The following FRMD5 variants were observed in gnomAD, a reference collection of about 807,000 sequenced individuals.
FRMD5 encodes the protein FERM domain-containing protein 5.
FRMD5 carries 20 observed loss-of-function variants against 69.0 expected under a neutral mutation model. The observed-to-expected ratio is 0.29, with a 90% CI of 0.20 to 0.42. FRMD5 has a LOEUF of 0.42. Ranked by LOEUF, FRMD5 falls within the 10% of genes least tolerant of loss-of-function variation. The probability of loss-of-function intolerance (pLI) is 1.00; values close to 1 mark genes in which losing one functional copy is unlikely to be tolerated. For missense variants in FRMD5, 595 were observed against 708.6 expected (o/e 0.84, Z 1.82); for synonymous variants, 271 against 260.1 (o/e 1.04, Z -0.40).
At chr15:44,127,858 TGA>T (rs897131762) in intron 1 of FRMD5, among the ~76,000 whole-genome samples, 3 of 151,570 alleles carry the variant, frequency 2.0e-5, no homozygotes, top group African/African-American at 7.3e-5. Flanking sequence ...GGCAATAAAA[TGA>T]GAGTCTGTCT....
At chr15:43,912,890 G>T (rs1006129937) in intron 4 of FRMD5, among the ~76,000 whole-genome samples, 1 of 151,382 alleles carries the variant, frequency 6.6e-6, no homozygotes, top group African/African-American at 2.4e-5. Flanking sequence ...AATTAGCCAG[G>T]CATGGTGGTG....
rs540291019 is a variant in FRMD5 at position 43,928,792 on chromosome 15, C to T, written c.103-4483G>A. 2.6e-5 allele frequency among the ~76,000 whole-genome samples: 4 copies of T among 152,248 alleles called. 1 individual carries two copies. The highest frequency in any genetic ancestry group is 4.8e-5 in the African/African-American group (2 of 41,556). ...TTGAATGTTGTGCCATTGATTATAC[C>T]GGAGAAACAGGCACTTGCGCTGACA... On this transcript the variant is annotated intron_variant, in intron 1 of 13. Transcript: ENST00000417257.
At chr15:43,897,487 CAAAAAAAAAAA>C (rs34243475) in intron 7 of FRMD5, among the ~76,000 whole-genome samples, 34 of 16,144 alleles carry the variant, frequency 2.1e-3, no homozygotes, top group South Asian at 5.1e-3. Flanking sequence ...CACTCCATCT[CAAAAAAAAAAA>C]AAAAAAAAAA....
At chr15:44,165,576 C>A (rs913479068) in intron 1 of FRMD5, among the ~76,000 whole-genome samples, 13 of 152,130 alleles carry the variant, frequency 8.5e-5, no homozygotes, top group African/African-American at 3.1e-4. Flanking sequence ...TAGCTCATAC[C>A]TGCAGTCCCA....
intron 1 of FRMD5, among the ~76,000 whole-genome samples, chr15:43,999,465 AC>A (rs1301078328): frequency 6.6e-6 from 1 of 151,998 alleles, no homozygotes; most frequent in African/African-American, 2.4e-5. Context: ...AAAACTCTAC[AC>A]CCATTTAAAA....
At chr15:43,986,436 A>G (rs1048576772) in intron 1 of FRMD5, among the ~76,000 whole-genome samples, 2 of 152,260 alleles carry the variant, frequency 1.3e-5, no homozygotes, top group African/African-American at 4.8e-5. Context: ...GATATGCACC[A>G]GAGGAACTTA....
intron 1 of FRMD5, among the ~76,000 whole-genome samples, chr15:43,999,953 C>CATATATATATATATATAT (rs34872140): frequency 1.2e-5 from 1 of 82,896 alleles, no homozygotes; most frequent in African/African-American, 6.4e-5. Context: ...ATATGCCATG[C>CATATATATATATATATAT]ATATATATAT....
intron 1 of FRMD5, among the ~76,000 whole-genome samples, chr15:43,934,261 C>T (rs1048118987): frequency 2.0e-5 from 3 of 152,122 alleles, no homozygotes; most frequent in African/African-American, 4.8e-5. Flanking sequence ...AGGAGGGAAG[C>T]GATGGGAGTA....
chr15:43,966,152 T>C (rs2140559877), intron 1 of FRMD5, among the ~76,000 whole-genome samples: 1 of 151,960 alleles, frequency 6.6e-6, no homozygotes, highest in South Asian at 2.1e-4. Context: ...GGTGGGCAGA[T>C]CACTTGTCAG....
At chr15:44,127,344 G>A (rs1418533713) in intron 1 of FRMD5, among the ~76,000 whole-genome samples, 1 of 152,176 alleles carries the variant, frequency 6.6e-6, no homozygotes, top group African/African-American at 2.4e-5. Context: ...TGCCCGCCTT[G>A]ATGTCCCAAA....
upstream of FRMD5, chr15:44,195,295 G>T: frequency 5.9e-6 from 3 of 508,998 alleles, no homozygotes; most frequent in South Asian, 7.7e-5. Context: ...CCCAGTGCCC[G>T]TGCCCAGCTC....
intron 1 of FRMD5, among the ~76,000 whole-genome samples, chr15:44,131,001 T>C (rs180692112): frequency 6.6e-5 from 10 of 152,364 alleles, no homozygotes; most frequent in African/African-American, 1.2e-4. Context: ...TTTAGCCTTA[T>C]AGTTATCCAA....
At chr15:44,104,208 C>T (rs753149968) in intron 1 of FRMD5, among the ~76,000 whole-genome samples, 56 of 151,946 alleles carry the variant, frequency 3.7e-4, no homozygotes, top group Non-Finnish European at 6.0e-4. Flanking sequence ...TTTTAAATAG[C>T]GAAAAGCTTA....
chr15:43,936,968 A>G lies in FRMD5; in HGVS notation c.103-12659T>C, dbSNP rs2089772013. 2.0e-5 allele frequency among the ~76,000 whole-genome samples: 3 copies of G among 152,284 alleles called. No homozygotes were observed. The South Asian group carries it at 6.2e-4, about 32-fold the overall frequency. On this transcript the variant is annotated intron_variant, in intron 1 of 13. Coordinates refer to ENST00000417257, the MANE Select transcript of FRMD5 (RefSeq NM_032892.5). ...AAAAGCTCAATGCTGGAAAAAACTA[A>G]TAATTACATTTGCTTAATTATATTG... is the stretch of plus-strand genomic sequence containing the variant.
intron 1 of FRMD5, among the ~76,000 whole-genome samples, chr15:43,958,960 T>G (rs899983360): frequency 5.3e-5 from 8 of 152,156 alleles, no homozygotes; most frequent in Admixed American, 2.6e-4. Context: ...AGCCCACACC[T>G]GGCATACAAA....
At chr15:43,957,247 G>GTA (rs1376996598) in intron 1 of FRMD5, among the ~76,000 whole-genome samples, 1 of 151,988 alleles carries the variant, frequency 6.6e-6, no homozygotes, top group African/African-American at 2.4e-5. Flanking sequence ...CCAGGCTGGA[G>GTA]TACAGTGGTG....
intron 1 of FRMD5, among the ~76,000 whole-genome samples, chr15:44,187,608 C>A (rs1477114194): frequency 6.6e-6 from 1 of 151,836 alleles, no homozygotes; most frequent in Non-Finnish European, 1.5e-5. Context: ...CCATCTGTAG[C>A]CCAGGCTGGA....
At chr15:43,969,487 G>C (rs2090343775) in intron 1 of FRMD5, among the ~76,000 whole-genome samples, 2 of 152,182 alleles carry the variant, frequency 1.3e-5, no homozygotes, top group South Asian at 4.1e-4. Context: ...ACCATGCCCA[G>C]TTCTATGTGT....
At chr15:44,075,330 A>G (rs1370757168) in intron 1 of FRMD5, among the ~76,000 whole-genome samples, 2 of 152,134 alleles carry the variant, frequency 1.3e-5, no homozygotes. Context: ...GCCAATTTTG[A>G]AGGAAAATGA....
Sources: gnomAD v4.1 joint callset for allele counts (sites outside exome capture counted in the v4.1 genomes callset) on GRCh38, gnomAD v4.1.1 for gene constraint, MANE v1.5 for transcripts, NCBI Gene and HGNC (gene_info 2026-07-23, HGNC 2026-07-21) for gene names.